B4GALNT3: variants seen among roughly 807,000 people sequenced by gnomAD.
B4GALNT3 encodes beta-1,4-N-acetylgalactosaminyltransferase 3.
In B4GALNT3, 86 loss-of-function variants were observed where a neutral mutation model predicts 120.2. The observed-to-expected ratio is 0.72, with a 90% CI of 0.60 to 0.86. B4GALNT3 has a LOEUF of 0.86. Among genes scored for constraint, B4GALNT3 ranks in the 40% least tolerant of loss-of-function variants. The pLI is 0.00. For missense variants in B4GALNT3, 1,167 were observed against 1,298.9 expected, an observed-to-expected ratio of 0.90 and a Z score of 1.56; for synonymous variants, 518 against 510.4, an observed-to-expected ratio of 1.01 and a Z score of -0.20.
intron 13 of B4GALNT3, 127 bp downstream of exon 13, chr12:552,655 C>A: frequency 1.2e-6 from 1 of 807,960 alleles, no homozygotes; most frequent in East Asian, 2.7e-5. Flanking sequence ...CGTGACCTCT[C>A]CCTTCACACC....
chr12:557,644 A>G lies in B4GALNT3; in HGVS notation c.2417A>G (p.Lys806Arg), dbSNP rs1258943401. 1.2e-6 allele frequency: 2 copies of G among 1,611,826 alleles called. No individual in the cohort carries two copies. The highest frequency in any genetic ancestry group is 1.7e-6 in the Non-Finnish European group (2 of 1,179,294). Residue 806 changes from lysine (K) to arginine (R), a missense_variant, in exon 16 of 20, where the codon AAA becomes AGA. Coordinates refer to ENST00000266383, the MANE Select transcript of B4GALNT3 (RefSeq NM_173593.4). ...NQARWVQQFI[K>R]DMENLFQVTG... ...GCACGCTGGGTACAGCAATTCATCA[A>G]AGACATGGAAAACCTGTTCCAGGTC...
In B4GALNT3 at chr12:474,663, T is replaced by A. The variant is rs544283557; in HGVS notation, c.169+14118T>A. Among the ~76,000 whole-genome samples the A allele has an allele frequency of 2.0e-5, 3 of 151,084 alleles. No individual in the cohort carries two copies. The East Asian group carries it at 6.0e-4, about 30-fold the overall frequency. ...GCGAGACCCTGTCTCTACATAAAAT[T>A]TAAAAATTAGCCCAGGCCAAGCATG... On this transcript the variant is annotated intron_variant, in intron 1 of 19. Coordinates refer to ENST00000266383, the MANE Select transcript of B4GALNT3 (RefSeq NM_173593.4).
In B4GALNT3 at chr12:561,909, G is replaced by A. The variant is rs551537796; in HGVS notation, c.*458G>A. 1 of 158,334 alleles carries A rather than the reference G, an allele frequency of 6.3e-6. No homozygotes were observed. The highest frequency in any genetic ancestry group is 2.4e-5 in the African/African-American group (1 of 41,534). The allele number at this position is 158,334 out of a possible 1,614,324, so 9.8% of individuals were successfully genotyped here. A position where few individuals can be genotyped will look rare whatever the true frequency, so the allele number is the denominator to read the frequency against. On this transcript the variant is annotated 3_prime_UTR_variant, in exon 20 of 20. Transcript: ENST00000266383. ...CGAAACTGCTGTCCAGAGCGGGGGT[G>A]AGGTTGTGCACTGAGGGACTGTCCC...
At chr12:468,568 G>T (rs1946105268) in intron 1 of B4GALNT3, among the ~76,000 whole-genome samples, 1 of 152,100 alleles carries the variant, frequency 6.6e-6, no homozygotes, top group Non-Finnish European at 1.5e-5. Flanking sequence ...CGAGAGACTG[G>T]CCAGGAAGGC....
intron 1 of B4GALNT3, among the ~76,000 whole-genome samples, chr12:509,588 CTT>C (rs1946527504): frequency 6.6e-6 from 1 of 151,956 alleles, no homozygotes; most frequent in South Asian, 2.1e-4. Context: ...TCAAGAGAGT[CTT>C]ATAAATACAC....
chr12:549,237 C>T (rs1253630578), intron 9 of B4GALNT3, among the ~76,000 whole-genome samples: 1 of 152,112 alleles, frequency 6.6e-6, no homozygotes, highest in African/African-American at 2.4e-5. Flanking sequence ...AACCTGGATG[C>T]TGAAACTAGA....
intron 19 of B4GALNT3, among the ~76,000 whole-genome samples, chr12:561,009 CCTT>C (rs939626942): frequency 3.3e-5 from 5 of 152,260 alleles, no homozygotes; most frequent in African/African-American, 4.8e-5. Context: ...CAGCATCCAT[CCTT>C]CTCGTCTTCC....
In B4GALNT3 at chr12:515,174, G is replaced by T. The variant is rs1443232888; in HGVS notation, c.170-19992G>T. On this transcript the variant is annotated intron_variant, in intron 1 of 19. Coordinates refer to ENST00000266383, the MANE Select transcript of B4GALNT3 (RefSeq NM_173593.4). ...CAATAATAGTACCTACCTCAAAGGG[G>T]TTTTTTTGTTGTTGTCGTTGTTGTT... Among the ~76,000 whole-genome samples the T allele has an allele frequency of 6.6e-5, 10 of 151,986 alleles. No homozygotes were observed. The South Asian group carries it at 1.9e-3, about 28-fold the overall frequency.
At chr12:514,498 A>T (rs1322528922) in intron 1 of B4GALNT3, among the ~76,000 whole-genome samples, 1 of 151,696 alleles carries the variant, frequency 6.6e-6, no homozygotes, top group East Asian at 1.9e-4. Context: ...CGCCCAGCCT[A>T]TTTTTTTTAA....
chr12:513,405 T>C (rs1252997527), intron 1 of B4GALNT3, among the ~76,000 whole-genome samples: 1 of 152,252 alleles, frequency 6.6e-6, no homozygotes, highest in Non-Finnish European at 1.5e-5. Context: ...GTGTGGGTTA[T>C]TCGTGCCTCT....
At chr12:541,164 G>A (rs1166387948) in intron 3 of B4GALNT3, among the ~76,000 whole-genome samples, 3 of 152,212 alleles carry the variant, frequency 2.0e-5, no homozygotes, top group East Asian at 1.9e-4. Context: ...GCTCTGCTGC[G>A]GCCCAGTGAG....
chr12:559,193 T>C (rs1947195037), intron 18 of B4GALNT3, 102 bp from the exon 19 acceptor site: 2 of 1,506,144 alleles, frequency 1.3e-6, no homozygotes, highest in African/African-American at 1.4e-5. Flanking sequence ...AACCCCAGCC[T>C]CTGACTTTCA....
chr12:536,382 A>T (rs1946860341), intron 3 of B4GALNT3, 87 bp downstream of exon 3: 2 of 1,105,428 alleles, frequency 1.8e-6, no homozygotes, highest in Non-Finnish European at 2.7e-6. Context: ...AAAACTTTCT[A>T]CTAGGGACCT....
intron 3 of B4GALNT3, 101 bp from the exon 4 acceptor site, chr12:544,238 G>T: frequency 9.2e-7 from 1 of 1,081,248 alleles, no homozygotes; most frequent in East Asian, 2.4e-5. Context: ...TGGAGCTGAG[G>T]GTCTGGGGCG....
chr12:545,515 T>C, intron 6 of B4GALNT3, 46 bp downstream of exon 6: 1 of 1,520,142 alleles, frequency 6.6e-7, no homozygotes, highest in Non-Finnish European at 8.9e-7. Context: ...TCCTGGAGCC[T>C]GTTCATTGAG....
At chr12:472,443 C>CTTATTTTATTATTTTATTTTATT (rs376039074) in intron 1 of B4GALNT3, among the ~76,000 whole-genome samples, 10,082 of 151,904 alleles carry the variant, frequency 0.066, 580 homozygotes, top group African/African-American at 0.16. Flanking sequence ...ACCATGCCTG[C>CTTATTTTATTATTTTATTTTATT]TTATTTTATT....
chr12:527,823 T>C (rs1367484433), intron 1 of B4GALNT3, among the ~76,000 whole-genome samples: 4 of 152,158 alleles, frequency 2.6e-5, no homozygotes, highest in African/African-American at 4.8e-5. Context: ...TTTGGGACCG[T>C]GGGACAATAG....
intron 1 of B4GALNT3, among the ~76,000 whole-genome samples, chr12:531,309 G>GCCACTGCTGGC (rs58597465): frequency 7.9e-5 from 12 of 151,144 alleles, no homozygotes; most frequent in Admixed American, 1.3e-4. Context: ...TTGCCATACT[G>GCCACTGCTGGC]CCACTGCTGG....
chr12:555,476 C>T (rs1384060236), intron 14 of B4GALNT3: 1 of 416,216 alleles, frequency 2.4e-6, no homozygotes, highest in South Asian at 1.7e-5. Flanking sequence ...CACATTTTTC[C>T]ATTCATCCGT....
Sources: allele counts gnomAD v4.1 joint callset (sites outside exome capture counted in the v4.1 genomes callset), GRCh38; gene constraint gnomAD v4.1.1; transcripts MANE v1.5; gene names NCBI Gene and HGNC (gene_info 2026-07-23, HGNC 2026-07-21).